The following ZC3H12B variants were observed in gnomAD, a reference collection of about 807,000 sequenced individuals.
ZC3H12B encodes the protein probable ribonuclease ZC3H12B.
ZC3H12B carries 7 observed loss-of-function variants against 43.9 expected under a neutral mutation model. The observed-to-expected ratio is 0.16, with a 90% confidence interval of 0.09 to 0.30. The LOEUF (loss-of-function observed/expected upper bound fraction) is 0.30, where lower values mean the gene tolerates loss of function less well. Ranked by LOEUF, ZC3H12B falls within the 10% of genes least tolerant of loss-of-function variation. The probability of loss-of-function intolerance (pLI) is 1.00; values close to 1 mark genes in which losing one functional copy is unlikely to be tolerated. For synonymous variants in ZC3H12B, 222 were observed against 241.7 expected (o/e 0.92, Z 0.76); for missense variants, 475 against 670.2 (o/e 0.71, Z 3.22).
chrX:65,382,152 AAG>A (rs1189696019), intron 2 of ZC3H12B, among the ~76,000 whole-genome samples: 6 of 111,442 alleles, frequency 5.4e-5, no homozygotes, highest in Non-Finnish European at 1.1e-4. Context: ...ACAACCAAAA[AAG>A]AGAATTTTAG....
chrX:65,362,568 C>T (rs2066117918), upstream of ZC3H12B, among the ~76,000 whole-genome samples: 1 of 110,221 alleles, frequency 9.1e-6, no homozygotes. Flanking sequence ...TCACATCTTC[C>T]TCTCATATCC....
the ZC3H12B span, among the ~76,000 whole-genome samples, chrX:65,133,112 G>A: frequency 2.9e-4 from 32 of 111,465 alleles, no homozygotes; most frequent in South Asian, 0.012. Flanking sequence ...TCCTCGGGCA[G>A]GCAGTCCTGG....
the ZC3H12B span, among the ~76,000 whole-genome samples, chrX:65,333,354 A>G: frequency 1.8e-5 from 2 of 112,178 alleles, no homozygotes; most frequent in Non-Finnish European, 3.8e-5. Flanking sequence ...GCAAATAACT[A>G]TGTTGCCATA....
chrX:65,209,688 C>G, the ZC3H12B span, among the ~76,000 whole-genome samples: 2 of 109,802 alleles, frequency 1.8e-5, no homozygotes, highest in East Asian at 5.7e-4. Flanking sequence ...CTACAGTAAC[C>G]AAAACAGCAT....
At chrX:65,448,955 A>AAGAAAGAAAGAAAGAAAAAG (rs1556209273) in intron 3 of ZC3H12B, among the ~76,000 whole-genome samples, 15 of 58,972 alleles carry the variant, frequency 2.5e-4, no homozygotes, top group South Asian at 8.4e-4. Flanking sequence ...GAAAGAAAGA[A>AAGAAAGAAAGAAAGAAAAAG]AAAGAAAGAA....
the ZC3H12B span, among the ~76,000 whole-genome samples, chrX:65,313,173 G>A: frequency 1.8e-5 from 2 of 111,955 alleles, no homozygotes; most frequent in Non-Finnish European, 3.8e-5. Context: ...GAGCCACCAT[G>A]CCCTGCCTGG....
At chrX:65,189,930 G>C in the ZC3H12B span, among the ~76,000 whole-genome samples, 1 of 108,155 alleles carries the variant, frequency 9.2e-6, no homozygotes, top group South Asian at 3.8e-4. Context: ...TATGGTTTTA[G>C]GTCTAACGTT....
chrX:65,374,443 A>G (rs1208766759), intron 2 of ZC3H12B, among the ~76,000 whole-genome samples: 2 of 106,373 alleles, frequency 1.9e-5, no homozygotes, highest in African/African-American at 6.8e-5. Context: ...AAATTTTTAA[A>G]GTAAAAAAAA....
chrX:65,169,014 T>A, the ZC3H12B span, among the ~76,000 whole-genome samples: 1 of 111,626 alleles, frequency 9.0e-6, no homozygotes, highest in Non-Finnish European at 1.9e-5. Context: ...TTTAAAGGGT[T>A]TTTTGTGTCT....
At chrX:65,121,054 G>T in the ZC3H12B span, among the ~76,000 whole-genome samples, 11 of 111,210 alleles carry the variant, frequency 9.9e-5, no homozygotes, top group Non-Finnish European at 1.7e-4. Context: ...CTTTTTGCCA[G>T]TATTTTATTG....
the ZC3H12B span, among the ~76,000 whole-genome samples, chrX:65,105,846 G>A: frequency 9.0e-6 from 1 of 111,256 alleles, no homozygotes; most frequent in Non-Finnish European, 1.9e-5. Context: ...CTAAAGGGTT[G>A]CCAGAGAGAA....
chrX:65,499,309 CACTT>C (rs2068333837), intron 3 of ZC3H12B, 76 bp downstream of exon 8: 3 of 786,710 alleles, frequency 3.8e-6, no homozygotes, highest in Non-Finnish European at 5.5e-6. Flanking sequence ...ATTTACCAAA[CACTT>C]ACTGTGTATC....
At chrX:65,258,874 C>T in the ZC3H12B span, among the ~76,000 whole-genome samples, 2 of 111,123 alleles carry the variant, frequency 1.8e-5, no homozygotes, top group African/African-American at 3.3e-5. Flanking sequence ...GGTGAAAGAA[C>T]TCTACAAGGA....
At chrX:65,050,135 G>A in the ZC3H12B span, among the ~76,000 whole-genome samples, 1 of 110,825 alleles carries the variant, frequency 9.0e-6, no homozygotes, top group East Asian at 2.8e-4. Flanking sequence ...TGTCACCTTG[G>A]TTAAGTTTAT....
At chrX:65,139,420 G>C in the ZC3H12B span, among the ~76,000 whole-genome samples, 3 of 111,498 alleles carry the variant, frequency 2.7e-5, no homozygotes, top group Non-Finnish European at 5.7e-5. Context: ...TTTATTTCTA[G>C]TCTATTTTTC....
chrX:65,212,939 A>G, the ZC3H12B span, among the ~76,000 whole-genome samples: 3 of 106,880 alleles, frequency 2.8e-5, no homozygotes, highest in East Asian at 8.6e-4. Flanking sequence ...AATTATTCTT[A>G]GTTCATGGCA....
At chrX:65,048,564 CTTG>C in the ZC3H12B span, among the ~76,000 whole-genome samples, 1 of 111,355 alleles carries the variant, frequency 9.0e-6, no homozygotes, top group Non-Finnish European at 1.9e-5. Flanking sequence ...TTCAATAACA[CTTG>C]TTATTTCCTT....
At chrX:65,237,057 G>A in the ZC3H12B span, among the ~76,000 whole-genome samples, 1 of 111,701 alleles carries the variant, frequency 9.0e-6, no homozygotes, top group Non-Finnish European at 1.9e-5. Flanking sequence ...TATGAATTTT[G>A]AAGTAGTTTC....
At chrX:65,070,412 T>C in the ZC3H12B span, among the ~76,000 whole-genome samples, 1 of 111,069 alleles carries the variant, frequency 9.0e-6, no homozygotes, top group South Asian at 3.7e-4. Flanking sequence ...ATGTTTTTTG[T>C]TTTTTTGTAT....
Sources: gnomAD v4.1 joint callset for allele counts (sites outside exome capture counted in the v4.1 genomes callset) on GRCh38, gnomAD v4.1.1 for gene constraint, MANE v1.5 for transcripts, NCBI Gene and HGNC (gene_info 2026-07-23, HGNC 2026-07-21) for gene names.